The following MCF2L variants were observed in gnomAD, a reference collection of about 807,000 sequenced individuals.
MCF2L encodes MCF.2 cell line derived transforming sequence like, also known as guanine nucleotide exchange factor DBS.
Under a neutral mutation model 153.4 loss-of-function variants are expected in MCF2L, and 97 were observed. That is an observed-to-expected ratio of 0.63 (90% CI 0.54 to 0.75). The LOEUF is 0.75. Among genes scored for constraint, MCF2L ranks in the 30% least tolerant of loss-of-function variants. MCF2L has a pLI of 0.00. For missense variants in MCF2L, 1,347 were observed against 1,495.2 expected (o/e 0.90, Z 1.64); for synonymous variants, 659 against 632.2 (o/e 1.04, Z -0.64).
intron 4 of MCF2L, among the ~76,000 whole-genome samples, chr13:113,048,646 G>A (rs889972490): frequency 1.3e-5 from 2 of 152,040 alleles, no homozygotes; most frequent in East Asian, 1.9e-4. Context: ...TTTCACCCAC[G>A]TTAGCCAGGA....
chr13:112,972,263 G>A (rs370288896), intron 1 of MCF2L, among the ~76,000 whole-genome samples: 64 of 151,762 alleles, frequency 4.2e-4, no homozygotes, highest in African/African-American at 1.5e-3. Flanking sequence ...GTGGATGGAT[G>A]GGTGGGTGGA....
intron 1 of MCF2L, among the ~76,000 whole-genome samples, chr13:113,011,070 T>C (rs2084062742): frequency 1.3e-5 from 2 of 152,100 alleles, no homozygotes; most frequent in South Asian, 4.1e-4. Context: ...CACACATAAA[T>C]GGAAGAAACG....
intron 4 of MCF2L, among the ~76,000 whole-genome samples, chr13:113,060,075 G>C (rs539975828): frequency 1.3e-5 from 2 of 152,132 alleles, no homozygotes; most frequent in African/African-American, 2.4e-5. Context: ...CTCTCTGCTC[G>C]AGGCCTCTCC....
intron 2 of MCF2L, among the ~76,000 whole-genome samples, chr13:112,927,806 T>C (rs1343391737): frequency 6.6e-6 from 1 of 152,170 alleles, no homozygotes; most frequent in Non-Finnish European, 1.5e-5. Flanking sequence ...ACCCACCTCA[T>C]GTGAAGCTCT....
intron 1 of MCF2L, among the ~76,000 whole-genome samples, chr13:112,989,145 CGG>C (rs1452671528): frequency 0.22 from 16,301 of 73,448 alleles, 7,292 homozygotes; most frequent in Non-Finnish European, 0.31. Context: ...GCTACCACAC[CGG>C]AGTCCTCCCT....
Position 113,087,328 on chromosome 13 carries a change from G to A in MCF2L, c.2467G>A (p.Ala823Thr). The A allele has an allele frequency of 6.2e-7, 1 of 1,613,370 alleles. No homozygotes were observed. Among genetic ancestry groups the A allele is most frequent in the Non-Finnish European group, 8.5e-7 (1 of 1,180,028 alleles). The change falls in exon 22 of 30, where the codon GCC becomes ACC. Residue 823 changes from alanine to threonine, a missense_variant. By Grantham distance (58) the Ala-to-Thr change is moderately conservative. This residue lies in a region of MCF2L where 144 missense variants were observed against 238.7 expected (regional missense o/e 0.60). Coordinates refer to ENST00000535094, the MANE Select transcript of MCF2L (RefSeq NM_001112732.3). Reference sequence around the variant, plus strand: ...GGGCCACACCAAGGTGAAGGAGCTGGCCAGGTTCAAGCCCATGCAGCGGCA... The same window carrying A: ...GGGCCACACCAAGGTGAAGGAGCTGACCAGGTTCAAGCCCATGCAGCGGCA... ...KRGHTKVKEL[A>T]RFKPMQRHLF...
In MCF2L at chr13:113,065,029, G is replaced by A. The variant is rs368858019; in HGVS notation, c.700G>A (p.Val234Ile). Residue 234 changes from valine to isoleucine, a missense_variant, in exon 7 of 30, where the codon GTC (valine) becomes ATC (isoleucine). Around this residue, in one of 3 missense-constraint regions of MCF2L, gnomAD observed 820 missense variants for 921.2 expected, o/e 0.89. Transcript: ENST00000535094. Reference sequence around the variant, plus strand: ...GGCTGAAACAGAGCTGCCCAATGACGTCCAGTCGACAAGCTCAGTGCTGTG... The same window carrying A: ...GGCTGAAACAGAGCTGCCCAATGACATCCAGTCGACAAGCTCAGTGCTGTG... Reference protein sequence around the residue: ...ELAETELPNDVQSTSSVLCAH... With the variant: ...ELAETELPNDIQSTSSVLCAH... The A allele has an allele frequency of 9.9e-6, 16 of 1,612,610 alleles. No homozygotes were observed. The highest frequency in any genetic ancestry group is 6.7e-5 in the African/African-American group (5 of 74,752).
intron 1 of MCF2L, among the ~76,000 whole-genome samples, chr13:112,896,497 C>T (rs966622002): frequency 6.6e-6 from 1 of 151,440 alleles, no homozygotes; most frequent in African/African-American, 2.5e-5. Context: ...GCATTTGTAA[C>T]GTGGTGGGAG....
At position 113,046,802 on chromosome 13, in the gene MCF2L, T is replaced by G. The variant is rs559389135; in HGVS notation, c.369+1441T>G. 7.2e-5 allele frequency: 29 copies of G among 401,914 alleles called. No individual in the cohort carries two copies. The highest frequency in any genetic ancestry group is 4.8e-4 in the African/African-American group (23 of 47,988). The allele number at this position is 401,914 out of a possible 1,614,324, so 24.9% of individuals were successfully genotyped here. ...ACACACCACCTATGGCATCGTTATC[T>G]GAAATAATTCAAAACGCTTCAGGAT... On this transcript the variant is annotated intron_variant, in intron 4 of 29. Coordinates refer to ENST00000535094, the MANE Select transcript of MCF2L (RefSeq NM_001112732.3). This position sits in a 1 kb window ranked among gnomAD's most constrained non-coding sequence, Gnocchi z 4.4.
chr13:112,957,724 T>A (rs2081775887), intron 2 of MCF2L: 1 of 152,242 alleles, frequency 6.6e-6, no homozygotes, highest in Non-Finnish European at 1.5e-5. Flanking sequence ...TTTTATAACT[T>A]AAGTTACCTC....
chr13:113,036,422 T>C (rs2086154169), intron 3 of MCF2L, among the ~76,000 whole-genome samples: 1 of 152,252 alleles, frequency 6.6e-6, no homozygotes, highest in South Asian at 2.1e-4. Context: ...AGGCTGCCTG[T>C]GTCTCTGTGC....
intron 1 of MCF2L, among the ~76,000 whole-genome samples, chr13:113,011,859 C>T (rs2084146733): frequency 1.2e-5 from 1 of 83,198 alleles, no homozygotes; most frequent in African/African-American, 4.8e-5. Flanking sequence ...GCGGTGTGGA[C>T]GGTGGACACT....
In MCF2L at chr13:113,074,654, A is replaced by G; in HGVS notation, c.1116+91A>G. 6.5e-7 allele frequency: 1 copy of G among 1,550,356 alleles called. No individual in the cohort carries two copies. The highest frequency in any genetic ancestry group is 1.2e-5 in the South Asian group (1 of 85,808). ...AGGCGCAGGAATGGGCCTCCCGCCT[A>G]CGGAGAACGGACCCCACAGCCCCCC... On this transcript the variant is annotated intron_variant, in intron 10 of 29. Coordinates refer to ENST00000535094, the MANE Select transcript of MCF2L (RefSeq NM_001112732.3). The surrounding 1 kb of genome is among the most constrained non-coding windows in gnomAD (Gnocchi z 4.2).
At chr13:112,979,888 G>A (rs913185820) in intron 1 of MCF2L, 12 of 785,136 alleles carry the variant, frequency 1.5e-5, no homozygotes, top group South Asian at 3.7e-5. Flanking sequence ...TGTGCAGCTC[G>A]GAGACTTCTT....
At position 112,941,399 on chromosome 13, in the gene MCF2L, T is replaced by A. The variant is rs1294715516; in HGVS notation, c.169+39028T>A. 1.3e-5 allele frequency among the ~76,000 whole-genome samples: 2 copies of A among 150,824 alleles called. No individual in the cohort carries two copies. Among genetic ancestry groups the A allele is most frequent in the Non-Finnish European group, 3.0e-5 (2 of 67,776 alleles). On this transcript the variant is annotated intron_variant, in intron 2 of 29. Transcript: ENST00000375608. This position sits in a 1 kb window ranked among gnomAD's most constrained non-coding sequence, Gnocchi z 4.9. ...TTGAATATATTATATAATTTCTATT[T>A]GAAATAAAATTCCTTGTACATTTCC...
At chr13:113,034,704 G>A (rs1337000347) in intron 3 of MCF2L, among the ~76,000 whole-genome samples, 6 of 151,924 alleles carry the variant, frequency 3.9e-5, no homozygotes, top group South Asian at 2.1e-4. Flanking sequence ...TCTCACCCGC[G>A]CCCTTGCCCT....
intron 29 of MCF2L, 53 bp from the exon 30 acceptor site, chr13:113,096,721 G>A: frequency 6.4e-7 from 1 of 1,555,054 alleles, no homozygotes. Context: ...GCTGCCCCGT[G>A]TGTGCCCGGC....
At position 113,088,574 on chromosome 13, in the gene MCF2L, A is replaced by G. The variant is rs765953097; in HGVS notation, c.2780A>G (p.His927Arg). The G allele has an allele frequency of 1.2e-6, 2 of 1,610,802 alleles. No homozygotes were observed. Among genetic ancestry groups the G allele is most frequent in the South Asian group, 2.2e-5 (2 of 90,982 alleles). Residue 927 changes from histidine (H) to arginine (R), a missense_variant, in exon 25 of 30, where the codon CAC becomes CGC. Physicochemically the swap from His to Arg is conservative, Grantham distance 29. Around this residue, in one of 3 missense-constraint regions of MCF2L, gnomAD observed 383 missense variants for 335.4 expected, o/e 1.14. Transcript: ENST00000535094. ...QLQACREASQ[H>R]RALEQSQSLP... ...TCCCTCCTCGCAGAAGCCAGCCAGCACCGGGCGCTGGAGCAGTCACAGAGC... is the reference window on the plus strand; with the variant it reads ...TCCCTCCTCGCAGAAGCCAGCCAGCGCCGGGCGCTGGAGCAGTCACAGAGC...
At chr13:113,022,366 C>T (rs1314613316) in intron 2 of MCF2L, among the ~76,000 whole-genome samples, 2 of 152,240 alleles carry the variant, frequency 1.3e-5, no homozygotes, top group East Asian at 3.9e-4. Context: ...CCCCAAGGAG[C>T]AGCTTCTCCC....
Sources: allele counts gnomAD v4.1 joint callset (sites outside exome capture counted in the v4.1 genomes callset), GRCh38; gene constraint gnomAD v4.1.1; regional missense constraint gnomAD v4.1.1; non-coding constraint Gnocchi (gnomAD v3.1); transcripts MANE v1.5; gene names NCBI Gene and HGNC (gene_info 2026-07-23, HGNC 2026-07-21).